Variants in STAG1 observed in about 807,000 individuals in gnomAD.
STAG1 encodes cohesin subunit SA-1.
Under a neutral mutation model 170.9 loss-of-function variants are expected in STAG1, and 26 were observed. That is an observed-to-expected ratio of 0.15 (90% confidence interval 0.11 to 0.21). STAG1 has a LOEUF of 0.21. Ranked by LOEUF, STAG1 falls within the 10% of genes least tolerant of loss-of-function variation. STAG1 has a pLI of 1.00. For missense variants in STAG1, 964 were observed against 1,509.5 expected, an observed-to-expected ratio of 0.64 and a Z score of 5.99; for synonymous variants, 514 against 497.7, an observed-to-expected ratio of 1.03 and a Z score of -0.44.
chr3:136,512,942 A>G (rs1934148208), intron 7 of STAG1, among the ~76,000 whole-genome samples: 1 of 152,242 alleles, frequency 6.6e-6, no homozygotes, highest in Non-Finnish European at 1.5e-5. Flanking sequence ...CAGTTTAAAA[A>G]GCAGAGAATA....
At chr3:136,427,830 G>A (rs1365236087) in intron 16 of STAG1, among the ~76,000 whole-genome samples, 4 of 152,152 alleles carry the variant, frequency 2.6e-5, no homozygotes, top group Non-Finnish European at 5.9e-5. Context: ...TTAAAAAAGT[G>A]AAGTCATATA....
chr3:136,695,449 AAGAG>A (rs565436600), intron 1 of STAG1, among the ~76,000 whole-genome samples: 2 of 151,952 alleles, frequency 1.3e-5, no homozygotes, highest in Non-Finnish European at 2.9e-5. Context: ...AAAAAAAAAA[AAGAG>A]AGAGACAGAC....
chr3:136,393,925 C>T (rs539933844), intron 22 of STAG1, among the ~76,000 whole-genome samples: 8 of 151,984 alleles, frequency 5.3e-5, no homozygotes, highest in African/African-American at 1.7e-4. Flanking sequence ...TTTTTTGAGA[C>T]GGAGTCTCGC....
Position 136,397,484 on chromosome 3 carries a change from A to G in STAG1, c.2277+1265T>C, listed in dbSNP as rs527716164. On this transcript the variant is annotated intron_variant, in intron 22 of 33. Coordinates refer to ENST00000383202, the MANE Select transcript of STAG1 (RefSeq NM_005862.3). ...TTTTTTTACCATCAAAATAGTATGA[A>G]TTCAGGTGAAAACCTATGCAAAAGC... 2.4e-4 allele frequency among the ~76,000 whole-genome samples: 36 copies of G among 152,240 alleles called. No individual in the cohort carries two copies. In the South Asian group the frequency reaches 7.0e-3, roughly 30 times the overall value.
chr3:136,451,216 C>T (rs182231930), intron 14 of STAG1, among the ~76,000 whole-genome samples: 2 of 149,542 alleles, frequency 1.3e-5, no homozygotes, highest in East Asian at 3.9e-4. Flanking sequence ...CCGAAGTTTA[C>T]TTGAGAAAAC....
intron 4 of STAG1, among the ~76,000 whole-genome samples, chr3:136,598,535 T>C (rs1370610170): frequency 2.0e-5 from 3 of 151,970 alleles, no homozygotes; most frequent in Non-Finnish European, 2.9e-5. Flanking sequence ...CACGCCATTC[T>C]CCTGCCTCAG....
intron 1 of STAG1, among the ~76,000 whole-genome samples, chr3:136,634,132 C>A (rs866895020): frequency 5.3e-5 from 8 of 150,632 alleles, no homozygotes; most frequent in Admixed American, 2.7e-4. Context: ...CAGAGTGAGA[C>A]CTTGTTTCAA....
chr3:136,742,298 T>G (rs1934708200), intron 1 of STAG1, among the ~76,000 whole-genome samples: 2 of 152,156 alleles, frequency 1.3e-5, no homozygotes, highest in South Asian at 4.1e-4. Flanking sequence ...ATGGACCATA[T>G]GCTGGCCCAT....
At chr3:136,658,598 T>C (rs113205423) in intron 1 of STAG1, among the ~76,000 whole-genome samples, 7 of 152,268 alleles carry the variant, frequency 4.6e-5, no homozygotes, top group African/African-American at 1.4e-4. Flanking sequence ...ATAAGCTACA[T>C]GCCTTAGTAC....
intron 6 of STAG1, among the ~76,000 whole-genome samples, chr3:136,521,930 AT>A (rs1934698910): frequency 6.6e-6 from 1 of 152,170 alleles, no homozygotes; most frequent in Admixed American, 6.5e-5. Context: ...ATTTCCTCAA[AT>A]TTTACTATGA....
chr3:136,663,515 G>T (rs1941648129), intron 1 of STAG1, among the ~76,000 whole-genome samples: 2 of 152,172 alleles, frequency 1.3e-5, no homozygotes, highest in Non-Finnish European at 2.9e-5. Flanking sequence ...TAAGGGGAAT[G>T]AAAGATTTTA....
chr3:136,660,359 G>T (rs748646479), intron 1 of STAG1, among the ~76,000 whole-genome samples: 40 of 151,654 alleles, frequency 2.6e-4, no homozygotes, highest in Non-Finnish European at 5.0e-4. Flanking sequence ...CACAATTGAA[G>T]AAAAAAGATA....
At chr3:136,534,153 C>T (rs909580862) in intron 6 of STAG1, among the ~76,000 whole-genome samples, 29 of 152,188 alleles carry the variant, frequency 1.9e-4, no homozygotes, top group Admixed American at 3.3e-4. Context: ...ATATACACTG[C>T]GGGATGGACA....
chr3:136,671,189 C>T (rs910646504), intron 1 of STAG1, among the ~76,000 whole-genome samples: 2 of 152,078 alleles, frequency 1.3e-5, no homozygotes. Context: ...GAGGCTAGCA[C>T]AGGAGAATCG....
chr3:136,528,498 C>T (rs561072135), intron 6 of STAG1, among the ~76,000 whole-genome samples: 1 of 137,156 alleles, frequency 7.3e-6, no homozygotes, highest in Non-Finnish European at 1.5e-5. Flanking sequence ...CCCCGCACCC[C>T]CCCCCCCAAA....
At chr3:136,641,928 A>G (rs1259295899) in intron 1 of STAG1, among the ~76,000 whole-genome samples, 1 of 152,212 alleles carries the variant, frequency 6.6e-6, no homozygotes, top group Admixed American at 6.5e-5. Flanking sequence ...GAGAAGGAAT[A>G]GAACCCAAAC....
intron 6 of STAG1, among the ~76,000 whole-genome samples, chr3:136,525,416 G>T (rs1046940667): frequency 6.6e-6 from 1 of 152,140 alleles, no homozygotes; most frequent in Non-Finnish European, 1.5e-5. Context: ...ACGGTAGTTT[G>T]TATTTCTGTG....
chr3:136,568,671 G>A, intron 5 of STAG1, 94 bp downstream of exon 5: 1 of 801,848 alleles, frequency 1.2e-6, no homozygotes, highest in South Asian at 1.6e-5. Flanking sequence ...TTTAATTTTA[G>A]GGTAAATTAT....
chr3:136,399,338 C>G (rs2087251685), intron 21 of STAG1, among the ~76,000 whole-genome samples: 1 of 152,076 alleles, frequency 6.6e-6, no homozygotes. Context: ...AAAACATTGC[C>G]AGCACCTCCT....
Sources: gnomAD v4.1 joint callset for allele counts (sites outside exome capture counted in the v4.1 genomes callset) on GRCh38, gnomAD v4.1.1 for gene constraint, MANE v1.5 for transcripts, NCBI Gene and HGNC (gene_info 2026-07-23, HGNC 2026-07-21) for gene names.